Variants in NUP210L observed in about 807,000 individuals in gnomAD.
NUP210L encodes nuclear pore membrane glycoprotein 210-like.
In NUP210L, 74 loss-of-function variants were observed where a neutral mutation model predicts 208.5. The observed-to-expected ratio is 0.35, with a 90% CI of 0.29 to 0.43. NUP210L has a LOEUF of 0.43. Ranked by LOEUF, NUP210L falls within the 20% of genes least tolerant of loss-of-function variation. The pLI is 1.00. For synonymous variants in NUP210L, 780 were observed against 816.9 expected, an observed-to-expected ratio of 0.95 and a Z score of 0.77; for missense variants, 1,843 against 2,289.4, an observed-to-expected ratio of 0.81 and a Z score of 3.98.
chr1:154,068,448 G>A (rs1220490079), intron 17 of NUP210L, among the ~76,000 whole-genome samples: 11 of 152,266 alleles, frequency 7.2e-5, no homozygotes, highest in African/African-American at 2.2e-4. Context: ...TTGGGAGGCC[G>A]AGGAGGGTAG....
intron 6 of NUP210L, among the ~76,000 whole-genome samples, chr1:154,137,661 G>C (rs773335789): frequency 5.3e-5 from 8 of 152,030 alleles, no homozygotes; most frequent in Non-Finnish European, 8.8e-5. Flanking sequence ...GTTGCAATGA[G>C]CCATGATCAT....
At chr1:154,129,473 C>A in intron 7 of NUP210L, 128 bp from the exon 8 acceptor site, 1 of 653,648 alleles carries the variant, frequency 1.5e-6, no homozygotes, top group East Asian at 2.7e-5. Flanking sequence ...TTTTATTATC[C>A]TTTGGAAAGC....
intron 15 of NUP210L, among the ~76,000 whole-genome samples, chr1:154,094,193 G>T (rs1656073272): frequency 6.6e-6 from 1 of 152,128 alleles, no homozygotes; most frequent in African/African-American, 2.4e-5. Context: ...CGAAACAGGA[G>T]AATCTCTTGA....
intron 10 of NUP210L, among the ~76,000 whole-genome samples, chr1:154,122,031 T>C (rs1657639601): frequency 6.6e-6 from 1 of 152,142 alleles, no homozygotes. Context: ...ATAACATTTA[T>C]AAACCTCTAG....
chr1:154,012,348 C>A lies in NUP210L; in HGVS notation c.4676G>T (p.Arg1559Ile), dbSNP rs890754445. The A allele has an allele frequency of 8.1e-6, 13 of 1,613,424 alleles. No individual in the cohort carries two copies. The highest frequency in any genetic ancestry group is 1.1e-5 in the Non-Finnish European group (13 of 1,179,834). ...CTTGAGGTCATAACTGAGCATTAAT[C>A]TTGATGATGCATTGACCACCACCTG... is the stretch of plus-strand genomic sequence containing the variant. The change falls in exon 34 of 40, where the codon AGA becomes ATA. Residue 1559 changes from arginine (R) to isoleucine (I), a missense_variant. Arg to Ile is a moderately conservative substitution (Grantham distance 97). This residue lies in a region of NUP210L where 781 missense variants were observed against 973.8 expected (regional missense o/e 0.80). Coordinates refer to ENST00000368559, the Ensembl canonical transcript of NUP210L.
intron 22 of NUP210L, among the ~76,000 whole-genome samples, chr1:154,057,837 A>G (rs1653951257): frequency 6.6e-6 from 1 of 151,938 alleles, no homozygotes; most frequent in African/African-American, 2.4e-5. Flanking sequence ...TCCAACTCCT[A>G]GGCTCAAGTG....
intron 12 of NUP210L, chr1:154,104,554 T>G (rs940474733): frequency 2.6e-5 from 5 of 192,456 alleles, no homozygotes; most frequent in African/African-American, 1.2e-4. Flanking sequence ...ATTGTGGGAC[T>G]TTGCATTCCA....
chr1:154,143,174 G>A (rs1658942437), intron 3 of NUP210L, among the ~76,000 whole-genome samples: 1 of 140,832 alleles, frequency 7.1e-6, no homozygotes, highest in African/African-American at 2.6e-5. Context: ...GGCAACAAAA[G>A]CAAAACTCTG....
At position 154,060,635 on chromosome 1, in the gene NUP210L, A is replaced by T. The variant is rs567449520; in HGVS notation, c.2755T>A (p.Phe919Ile). ...TAACCAGATCCTTCCACAAGGCTAA[A>T]TGTTTCCTATGGAAAAATCAGACAA... The change falls in exon 20 of 40, where the codon TTT becomes ATT. Residue 919 changes from phenylalanine to isoleucine, a missense_variant. Phe to Ile is a conservative substitution (Grantham distance 21). Around this residue, in one of 5 missense-constraint regions of NUP210L, gnomAD observed 408 missense variants for 600.8 expected, o/e 0.68. Coordinates refer to ENST00000368559, the Ensembl canonical transcript of NUP210L. The T allele has an allele frequency of 2.5e-6, 4 of 1,605,664 alleles. No individual in the cohort carries two copies. In the South Asian group the frequency reaches 4.4e-5, roughly 18 times the overall value.
intron 10 of NUP210L, among the ~76,000 whole-genome samples, chr1:154,119,054 G>A (rs982492131): frequency 6.6e-6 from 1 of 151,780 alleles, no homozygotes; most frequent in Non-Finnish European, 1.5e-5. Context: ...TCAGAATCAG[G>A]GAAAATAGCT....
chr1:154,143,388 C>A, intron 3 of NUP210L, 58 bp downstream of exon 3: 1 of 1,538,490 alleles, frequency 6.5e-7, no homozygotes, highest in Non-Finnish European at 8.9e-7. Context: ...AAGTGCTAAA[C>A]ATAAACAGAT....
chr1:154,150,767 C>T (rs1659344466), intron 2 of NUP210L, among the ~76,000 whole-genome samples: 1 of 150,044 alleles, frequency 6.7e-6, no homozygotes, highest in Admixed American at 6.6e-5. Context: ...ATGCCAATGG[C>T]AAGCTTACAT....
At chr1:154,084,412 G>C (rs569128054) in intron 16 of NUP210L, among the ~76,000 whole-genome samples, 1 of 151,194 alleles carries the variant, frequency 6.6e-6, no homozygotes, top group Non-Finnish European at 1.5e-5. Context: ...GGGTTTCACC[G>C]TGTTGGCCAG....
At chr1:154,017,168 C>A (rs1376985746) in intron 33 of NUP210L, among the ~76,000 whole-genome samples, 1 of 151,898 alleles carries the variant, frequency 6.6e-6, no homozygotes, top group African/African-American at 2.4e-5. Context: ...GTAATCCCAG[C>A]TACTCAGGAG....
intron 10 of NUP210L, among the ~76,000 whole-genome samples, chr1:154,123,719 A>T (rs1657727694): frequency 1.3e-5 from 2 of 151,900 alleles, no homozygotes; most frequent in African/African-American, 4.8e-5. Flanking sequence ...CTCTACTAAA[A>T]ATACAAAAAT....
exon 28 of NUP210L, chr1:154,030,039 G>A (rs757290596): frequency 3.8e-6 from 6 of 1,592,252 alleles, no homozygotes; most frequent in Non-Finnish European, 5.1e-6. Context: ...TGCTCTACTG[G>A]GAGCTGTAGA....
rs1234974906 is a variant in NUP210L, at chr1:154,055,076, TTTCCTTTCC to T, written c.3241-253_3241-245del. On this transcript the variant is annotated intron_variant, in intron 23 of 39. Coordinates refer to ENST00000368559, the Ensembl canonical transcript of NUP210L. The stretch of plus-strand genomic sequence containing the variant: ...CCACCATGCCTGACTAATTTCTTTC[TTTCCTTTCC>T]TTCCTTTCCTTCTCTTTCTTTTCTT... Among the ~76,000 whole-genome samples the T allele has an allele frequency of 1.3e-4, 20 of 151,952 alleles. No homozygotes were observed. The East Asian group carries it at 3.7e-3, about 28-fold the overall frequency.
Position 154,152,724 on chromosome 1 carries a change from C to T in NUP210L, c.340+12G>A. On this transcript the variant is annotated intron_variant, in intron 2 of 39. Transcript: ENST00000368559. The stretch of plus-strand genomic sequence containing the variant: ...GAAGAAGTGATACATAGTGTTTTTG[C>T]TCTCAACATACCTATTTCTCGAGCA... 1 of 1,612,046 alleles carries T rather than the reference C, an allele frequency of 6.2e-7. No homozygotes were observed. Among genetic ancestry groups the T allele is most frequent in the Non-Finnish European group, 8.5e-7 (1 of 1,178,674 alleles).
chr1:154,144,231 G>T (rs1384655984), intron 2 of NUP210L, among the ~76,000 whole-genome samples: 2 of 151,984 alleles, frequency 1.3e-5, no homozygotes, highest in Non-Finnish European at 2.9e-5. Context: ...AAATAAAGTT[G>T]TAGTCGTATT....
Sources: allele counts gnomAD v4.1 joint callset (sites outside exome capture counted in the v4.1 genomes callset), GRCh38; gene constraint gnomAD v4.1.1; regional missense constraint gnomAD v4.1.1; transcripts MANE v1.5; gene names NCBI Gene and HGNC (gene_info 2026-07-23, HGNC 2026-07-21).